SEC16B: variants seen among roughly 807,000 people sequenced by gnomAD.
The protein encoded by SEC16B is protein transport protein Sec16B.
In SEC16B, 115 loss-of-function variants were observed where a neutral mutation model predicts 141.8. The observed-to-expected ratio is 0.81, with a 90% CI of 0.70 to 0.95. The LOEUF is 0.95. Ranked by LOEUF, SEC16B falls within the 40% of genes least tolerant of loss-of-function variation. The pLI, the probability that SEC16B is intolerant of heterozygous loss-of-function variation, is 0.00. For missense variants in SEC16B, 1,291 were observed against 1,312.3 expected, an observed-to-expected ratio of 0.98 and a Z score of 0.25; for synonymous variants, 493 against 492.5, an observed-to-expected ratio of 1.00 and a Z score of -0.01.
chr1:177,951,128 T>C (rs1417330434), intron 12 of SEC16B, among the ~76,000 whole-genome samples: 1 of 152,136 alleles, frequency 6.6e-6, no homozygotes, highest in Non-Finnish European at 1.5e-5. Context: ...CGTGTATATA[T>C]ATGAAATATG....
upstream of SEC16B, among the ~76,000 whole-genome samples, chr1:177,970,636 T>A (rs958276533): frequency 5.3e-5 from 8 of 152,194 alleles, no homozygotes; most frequent in African/African-American, 1.9e-4. Context: ...AATTCTGTCA[T>A]CTAGCTGGAA....
intron 17 of SEC16B, 115 bp from the exon 18 acceptor site, chr1:177,939,892 T>G: frequency 1.2e-6 from 1 of 844,876 alleles, no homozygotes; most frequent in Non-Finnish European, 1.8e-6. Context: ...AAAGACAAGG[T>G]AAGGGAAATG....
At chr1:177,973,981 G>A (rs1654064125), upstream of SEC16B, among the ~76,000 whole-genome samples, 1 of 152,020 alleles carries the variant, frequency 6.6e-6, no homozygotes. Flanking sequence ...GAGACTGGAG[G>A]AGAAGGGACA....
upstream of SEC16B, among the ~76,000 whole-genome samples, chr1:177,972,757 A>G (rs1039360900): frequency 1.1e-4 from 17 of 152,196 alleles, no homozygotes; most frequent in African/African-American, 4.1e-4. Flanking sequence ...CCCAAAATTC[A>G]TATGTTGAAA....
In SEC16B at chr1:177,965,041, A is replaced by G. The variant is rs952086987; in HGVS notation, c.533+6T>C. The G allele has an allele frequency of 2.5e-6, 4 of 1,612,908 alleles. No homozygotes were observed. Among genetic ancestry groups the G allele is most frequent in the Non-Finnish European group, 3.4e-6 (4 of 1,179,538 alleles). ...ATGTCAAACTGGCCTCTCCTTTCAC[A>G]CTTACTGGAAGTGGGTCTCACTATT... On this transcript the variant is annotated splice_donor_region_variant and intron_variant, in intron 4 of 25. Coordinates refer to ENST00000308284, the MANE Select transcript of SEC16B (RefSeq NM_033127.4).
chr1:177,961,836 G>T, intron 5 of SEC16B, 102 bp from the exon 6 acceptor site: 1 of 1,071,676 alleles, frequency 9.3e-7, no homozygotes, highest in Middle Eastern at 2.7e-4. Context: ...AAGTGGATGT[G>T]TTGAAAGGAT....
intron 9 of SEC16B, 72 bp from the exon 10 acceptor site, chr1:177,958,434 A>G: frequency 7.8e-7 from 1 of 1,287,112 alleles, no homozygotes; most frequent in African/African-American, 1.5e-5. Flanking sequence ...CTGGAGAAGG[A>G]AGGCACCAGG....
upstream of SEC16B, among the ~76,000 whole-genome samples, chr1:177,972,959 C>T (rs753078249): frequency 2.0e-5 from 3 of 152,134 alleles, no homozygotes; most frequent in Non-Finnish European, 4.4e-5. Flanking sequence ...CAGGAAGTGG[C>T]CCTCACCAGA....
intron 1 of SEC16B, among the ~76,000 whole-genome samples, chr1:177,980,059 A>G (rs183050621): frequency 6.6e-6 from 1 of 152,332 alleles, no homozygotes; most frequent in African/African-American, 2.4e-5. Flanking sequence ...GGAGCATCCC[A>G]TAACTGAATT....
At chr1:177,962,186 G>A (rs1653121787) in intron 5 of SEC16B, among the ~76,000 whole-genome samples, 1 of 152,030 alleles carries the variant, frequency 6.6e-6, no homozygotes, top group African/African-American at 2.4e-5. Context: ...CGATTCTTCT[G>A]CCTCAGCCTC....
chr1:177,964,005 G>T (rs953533012), intron 5 of SEC16B, among the ~76,000 whole-genome samples, 166 bp downstream of exon 5: 1 of 152,162 alleles, frequency 6.6e-6, no homozygotes, highest in African/African-American at 2.4e-5. Flanking sequence ...AGTAAGGAGG[G>T]AAAAAAGGAA....
At chr1:177,959,102 G>A (rs769375529) in intron 8 of SEC16B, 127 bp from the exon 9 acceptor site, 35 of 983,986 alleles carry the variant, frequency 3.6e-5, no homozygotes, top group Non-Finnish European at 5.3e-5. Context: ...TGACAAGCCA[G>A]GGCTAAGGTA....
rs376497970 is a variant in SEC16B at position 177,933,989 on chromosome 1, T to TC, written c.2572-354dup. Among the ~76,000 whole-genome samples, 1,101 of 130,920 alleles carry TC rather than the reference T, an allele frequency of 8.4e-3. 6 individuals are homozygous for TC. The highest frequency in any genetic ancestry group is 0.011 in the Non-Finnish European group (685 of 60,592). The allele number at this position is 130,920 out of a possible 152,430, so 85.9% of individuals were successfully genotyped here. The stretch of plus-strand genomic sequence containing the variant: ...AAACAACCCACAGAGGCCCACAAGC[T>TC]CCCCCCAAAAAAAAAAAAACAGAGA... On this transcript the variant is annotated intron_variant, in intron 20 of 25. Coordinates refer to ENST00000308284, the MANE Select transcript of SEC16B (RefSeq NM_033127.4).
At chr1:177,956,331 C>T (rs1652599416) in intron 10 of SEC16B, among the ~76,000 whole-genome samples, 2 of 152,088 alleles carry the variant, frequency 1.3e-5, no homozygotes, top group East Asian at 1.9e-4. Context: ...ACATTTTTTA[C>T]ATCTGTCCAA....
intron 1 of SEC16B, among the ~76,000 whole-genome samples, chr1:177,980,769 AAGAAAG>A (rs755978766): frequency 1.2e-4 from 17 of 143,524 alleles, no homozygotes; most frequent in African/African-American, 2.5e-4. Flanking sequence ...GAAAAAAAAA[AAGAAAG>A]AAAGAAAGAA....
In SEC16B at chr1:177,933,326, A is replaced by G. The variant is rs1650591015; in HGVS notation, c.2725-14T>C. 6.3e-7 allele frequency: 1 copy of G among 1,588,380 alleles called. No homozygotes were observed. Among genetic ancestry groups the G allele is most frequent in the Non-Finnish European group, 8.6e-7 (1 of 1,166,798 alleles). ...AAACCCTGAGCTCTGGAAGGGGAAG[A>G]GGACATTTTATGACCTGCAGGTTGG... On this transcript the variant is annotated splice_polypyrimidine_tract_variant and intron_variant, in intron 21 of 25. Transcript: ENST00000308284.
At position 177,932,765 on chromosome 1, in the gene SEC16B, G is replaced by A. The variant is rs1434710444; in HGVS notation, c.2865C>T (p.Gly955=). 1.9e-6 allele frequency: 3 copies of A among 1,612,584 alleles called. No homozygotes were observed. Among genetic ancestry groups the A allele is most frequent in the Admixed American group, 3.3e-5 (2 of 59,870 alleles). Residue 955 remains glycine (G), a synonymous_variant, in exon 23 of 26, where the codon GGC becomes GGT. Coordinates refer to ENST00000308284, the MANE Select transcript of SEC16B (RefSeq NM_033127.4). ...RASSPHQAGL[G]LSLTPSPESP... ...ACTCAGGGGAAGGTGTCAGTGAGAGGCCCAGGCCAGCCTGGTGGGGAGAAG... is the reference window on the plus strand; with the variant it reads ...ACTCAGGGGAAGGTGTCAGTGAGAGACCCAGGCCAGCCTGGTGGGGAGAAG...
In SEC16B at chr1:177,930,596, TG is replaced by T. The variant is rs1650344875; in HGVS notation, c.3059del (p.Pro1020HisfsTer4). 37 of 1,613,602 alleles carry T rather than the reference TG, an allele frequency of 2.3e-5. No individual in the cohort carries two copies. Among genetic ancestry groups the T allele is most frequent in the Non-Finnish European group, 3.1e-5 (37 of 1,179,798 alleles). ...LCSNPGVLLP[P>X]PALKGAVPLY... is the part of the protein sequence containing the mutation. Reference sequence around the variant, plus strand: ...GAGGAACAGCCCCTTTTAAGGCAGGTGGAGGAAGAAGAACACCAGGGTTGGA... The same window carrying T: ...GAGGAACAGCCCCTTTTAAGGCAGGTGAGGAAGAAGAACACCAGGGTTGGA... On this transcript the variant is annotated frameshift_variant, in exon 25 of 26. Coordinates refer to ENST00000308284, the MANE Select transcript of SEC16B (RefSeq NM_033127.4). LOFTEE classifies it high-confidence loss of function.
At position 177,966,674 on chromosome 1, in the gene SEC16B, TCCCGTCTCTA is replaced by T. The variant is rs753530725; in HGVS notation, c.300-679_300-670del. Among the ~76,000 whole-genome samples, 43 of 152,126 alleles carry T rather than the reference TCCCGTCTCTA, an allele frequency of 2.8e-4. 1 individual carries two copies. Among genetic ancestry groups the T allele is most frequent in the Non-Finnish European group, 5.7e-4 (39 of 68,038 alleles). On this transcript the variant is annotated intron_variant, in intron 2 of 25. Transcript: ENST00000308284. ...TCCATCTCCCGGGTTTAAGTGATTCTCCCGTCTCTACCCAGGTAGCTGGGATTACAGGCAT... is the reference window on the plus strand; with the variant it reads ...TCCATCTCCCGGGTTTAAGTGATTCTCCCAGGTAGCTGGGATTACAGGCAT...
Sources: allele counts gnomAD v4.1 joint callset (sites outside exome capture counted in the v4.1 genomes callset), GRCh38; gene constraint gnomAD v4.1.1; transcripts MANE v1.5; gene names NCBI Gene and HGNC (gene_info 2026-07-23, HGNC 2026-07-21).